Variants in MBD2 observed in about 807,000 individuals in gnomAD.
The protein encoded by MBD2 is methyl-CpG-binding domain protein 2.
MBD2 carries 9 observed loss-of-function variants against 39.3 expected under a neutral mutation model. That is an observed-to-expected ratio of 0.23 (90% CI 0.14 to 0.40). MBD2 has a LOEUF of 0.40. Ranked by LOEUF, MBD2 falls within the 10% of genes least tolerant of loss-of-function variation. MBD2 has a pLI of 1.00. For synonymous variants in MBD2, 233 were observed against 211.1 expected (o/e 1.10, Z -0.90); for missense variants, 458 against 532.6 (o/e 0.86, Z 1.38).
intron 2 of MBD2, among the ~76,000 whole-genome samples, chr18:54,194,375 A>T (rs2086348013): frequency 6.6e-6 from 1 of 151,878 alleles, no homozygotes; most frequent in Non-Finnish European, 1.5e-5. Context: ...CTTATTTCTT[A>T]TTTTAAACCT....
chr18:54,164,788 A>C, intron 4 of MBD2, 88 bp from the exon 5 acceptor site: 2 of 1,057,018 alleles, frequency 1.9e-6, no homozygotes, highest in Non-Finnish European at 2.8e-6. Flanking sequence ...ATATTTTTAT[A>C]TTCATTTGGG....
chr18:54,205,726 A>T (rs1012880376), intron 1 of MBD2, among the ~76,000 whole-genome samples: 1 of 152,112 alleles, frequency 6.6e-6, no homozygotes, highest in Non-Finnish European at 1.5e-5. Flanking sequence ...GCCACAGCCT[A>T]TCCCACTGGT....
At chr18:54,193,443 T>C (rs893977805) in intron 2 of MBD2, among the ~76,000 whole-genome samples, 7 of 152,176 alleles carry the variant, frequency 4.6e-5, no homozygotes, top group Non-Finnish European at 8.8e-5. Flanking sequence ...CAAAATTTAA[T>C]ACATTTTATA....
intron 3 of MBD2, among the ~76,000 whole-genome samples, chr18:54,177,760 G>T: frequency 8.0e-6 from 1 of 124,386 alleles, no homozygotes. Context: ...GATTACAGGC[G>T]TGAGCCACTA....
At chr18:54,198,954 G>A (rs553040230) in intron 2 of MBD2, among the ~76,000 whole-genome samples, 1 of 151,934 alleles carries the variant, frequency 6.6e-6, no homozygotes, top group Non-Finnish European at 1.5e-5. Context: ...TGAGGAAAGG[G>A]GTAAAAAATG....
At chr18:54,159,473 A>T (rs1478584680) in intron 6 of MBD2, among the ~76,000 whole-genome samples, 2 of 151,748 alleles carry the variant, frequency 1.3e-5, no homozygotes, top group Non-Finnish European at 2.9e-5. Flanking sequence ...GTTGGAGAAC[A>T]GTAGCACAAT....
chr18:54,183,995 C>A (rs2086267195), intron 3 of MBD2, among the ~76,000 whole-genome samples: 1 of 151,938 alleles, frequency 6.6e-6, no homozygotes, highest in South Asian at 2.1e-4. Context: ...AAGCTACTCC[C>A]TAGTTAAAAA....
In MBD2 at chr18:54,224,214, T is replaced by TGCCGCCGCCGCCGCAGCC. The variant is rs1555665528; in HGVS notation, c.328_345dup (p.Gly110_Gly115dup). Reference sequence around the variant, plus strand: ...CGCCGGGGGGCGCCGCCGCCACCGCTGCCGCCGCCGCCGCAGCCGCCGCCG... The same window carrying TGCCGCCGCCGCCGCAGCC: ...CGCCGGGGGGCGCCGCCGCCACCGCTGCCGCCGCCGCCGCAGCCGCCGCCGCCGCCGCAGCCGCCGCCG... On this transcript the variant is annotated inframe_insertion, in exon 1 of 7. Coordinates refer to ENST00000256429, the MANE Select transcript of MBD2 (RefSeq NM_003927.5). 8.9e-7 allele frequency: 1 copy of TGCCGCCGCCGCCGCAGCC among 1,120,112 alleles called. No homozygotes were observed. Among genetic ancestry groups the TGCCGCCGCCGCCGCAGCC allele is most frequent in the Non-Finnish European group, 1.1e-6 (1 of 915,096 alleles). 69.4% of individuals were successfully genotyped at this position (1,120,112 alleles called of 1,614,324 possible). A position where few individuals can be genotyped will look rare whatever the true frequency, so the allele number is the denominator to read the frequency against.
chr18:54,203,197 T>C (rs2086422580), intron 2 of MBD2: 10 of 1,509,062 alleles, frequency 6.6e-6, no homozygotes, highest in Non-Finnish European at 9.0e-6. Context: ...CACATTACAC[T>C]TAACATAACT....
Position 54,164,751 on chromosome 18 carries a change from C to G in MBD2, c.932-51G>C, listed in dbSNP as rs552714263. 39 of 1,477,184 alleles carry G rather than the reference C, an allele frequency of 2.6e-5. No homozygotes were observed. In the South Asian group the frequency reaches 4.2e-4, roughly 16 times the overall value. The allele number at this position is 1,477,184 out of a possible 1,614,324, so 91.5% of individuals were successfully genotyped here. A position where few individuals can be genotyped will look rare whatever the true frequency, so the allele number is the denominator to read the frequency against. ...AAAGGAAATGTCTCAATGTGCTGAG[C>G]AAACTTTATGTGACATAAAACAACT... On this transcript the variant is annotated intron_variant, in intron 4 of 6. Transcript: ENST00000256429.
chr18:54,216,835 A>T (rs1307242193), intron 1 of MBD2, among the ~76,000 whole-genome samples: 1 of 152,158 alleles, frequency 6.6e-6, no homozygotes, highest in East Asian at 1.9e-4. Flanking sequence ...ACATGCCTGT[A>T]ATCTTAGCAT....
chr18:54,171,416 T>C (rs1015179509), intron 3 of MBD2, among the ~76,000 whole-genome samples: 4 of 150,408 alleles, frequency 2.7e-5, no homozygotes, highest in Non-Finnish European at 5.9e-5. Flanking sequence ...AGCATGCACG[T>C]AGTGGGGGTG....
intron 2 of MBD2, among the ~76,000 whole-genome samples, chr18:54,198,135 G>A (rs1019912391): frequency 3.3e-5 from 5 of 152,240 alleles, no homozygotes; most frequent in African/African-American, 1.2e-4. Context: ...ACCACACTAT[G>A]CCCTACCAGG....
At chr18:54,187,362 T>C (rs933187130) in intron 3 of MBD2, among the ~76,000 whole-genome samples, 3 of 152,242 alleles carry the variant, frequency 2.0e-5, no homozygotes, top group African/African-American at 4.8e-5. Context: ...TACCCAATTA[T>C]ATACTTTCAA....
intron 5 of MBD2, among the ~76,000 whole-genome samples, chr18:54,163,449 A>G (rs1290113675): frequency 1.3e-5 from 2 of 152,180 alleles, no homozygotes; most frequent in African/African-American, 4.8e-5. Flanking sequence ...TATAATATAA[A>G]TGCAATATAG....
chr18:54,158,553 A>C (rs1325868148), intron 6 of MBD2, among the ~76,000 whole-genome samples: 1 of 152,186 alleles, frequency 6.6e-6, no homozygotes, highest in Non-Finnish European at 1.5e-5. Context: ...TGCTCCTCTG[A>C]AGACAAGGTA....
At chr18:54,188,757 A>G in intron 3 of MBD2, 117 bp downstream of exon 3, 1 of 1,117,668 alleles carries the variant, frequency 8.9e-7, no homozygotes, top group Non-Finnish European at 1.3e-6. Context: ...CCTAGGACAT[A>G]AAATAATTTT....
intron 2 of MBD2, among the ~76,000 whole-genome samples, chr18:54,192,679 T>C (rs1158261173): frequency 6.6e-6 from 1 of 152,216 alleles, no homozygotes; most frequent in East Asian, 1.9e-4. Flanking sequence ...TTACCAAGGA[T>C]GACTGGAGGC....
At chr18:54,214,877 C>G (rs149168221) in intron 1 of MBD2, among the ~76,000 whole-genome samples, 2 of 151,626 alleles carry the variant, frequency 1.3e-5, no homozygotes, top group Admixed American at 6.6e-5. Flanking sequence ...GTAGCTGGGA[C>G]GACAGGCGCC....
Sources: allele counts gnomAD v4.1 joint callset (sites outside exome capture counted in the v4.1 genomes callset), GRCh38; gene constraint gnomAD v4.1.1; transcripts MANE v1.5; gene names NCBI Gene and HGNC (gene_info 2026-07-23, HGNC 2026-07-21).